The following LMLN variants were observed in gnomAD, a reference collection of about 807,000 sequenced individuals.
LMLN encodes the protein leishmanolysin like peptidase.
A neutral mutation model predicts 92.3 loss-of-function variants in LMLN; 70 were observed. The observed-to-expected ratio is 0.76, with a 90% CI of 0.63 to 0.92. The LOEUF (loss-of-function observed/expected upper bound fraction) is 0.92, where lower values mean the gene tolerates loss of function less well. Ranked by LOEUF, LMLN falls within the 40% of genes least tolerant of loss-of-function variation. The pLI is 0.00. For missense variants in LMLN, 691 were observed against 814.6 expected (o/e 0.85, Z 1.85); for synonymous variants, 308 against 296.2 (o/e 1.04, Z -0.41).
chr3:197,992,500 T>C (rs1020632048), intron 9 of LMLN, among the ~76,000 whole-genome samples: 6 of 152,220 alleles, frequency 3.9e-5, no homozygotes, highest in South Asian at 4.1e-4. Flanking sequence ...GAGAGACTGT[T>C]ATAAACAATT....
intron 10 of LMLN, among the ~76,000 whole-genome samples, chr3:197,998,837 T>C (rs1722096748): frequency 6.6e-6 from 1 of 152,238 alleles, no homozygotes; most frequent in African/African-American, 2.4e-5. Context: ...TTACACATGT[T>C]TCTGTGATCA....
At chr3:197,988,522 C>G (rs1232438478) in intron 8 of LMLN, among the ~76,000 whole-genome samples, 3 of 107,488 alleles carry the variant, frequency 2.8e-5, no homozygotes, top group African/African-American at 7.3e-5. Flanking sequence ...GGGTCTCACT[C>G]TGTTGCCCAG....
intron 8 of LMLN, among the ~76,000 whole-genome samples, chr3:197,989,240 A>G (rs1208838585): frequency 6.6e-6 from 1 of 152,094 alleles, no homozygotes; most frequent in Admixed American, 6.6e-5. Context: ...AGATTCATCA[A>G]TTTTTCATGA....
chr3:197,992,428 AATAAC>A (rs1337710157), intron 9 of LMLN, among the ~76,000 whole-genome samples: 2 of 152,226 alleles, frequency 1.3e-5, no homozygotes, highest in South Asian at 2.1e-4. Flanking sequence ...AGAAGATGCA[AATAAC>A]ATAAGAAATG....
At chr3:197,967,100 A>G (rs773633640) in intron 1 of LMLN, among the ~76,000 whole-genome samples, 1 of 152,190 alleles carries the variant, frequency 6.6e-6, no homozygotes, top group African/African-American at 2.4e-5. Flanking sequence ...ATTTACATCT[A>G]TATTAATAAG....
chr3:197,999,699 G>A (rs2109899293), intron 11 of LMLN: 1 of 183,740 alleles, frequency 5.4e-6, no homozygotes, highest in South Asian at 1.2e-4. Context: ...GGCTAACTGT[G>A]TATTTTTAAT....
chr3:197,988,458 A>G (rs750333396), intron 8 of LMLN, among the ~76,000 whole-genome samples: 38 of 124,738 alleles, frequency 3.0e-4, no homozygotes, highest in Non-Finnish European at 5.2e-4. Context: ...TATAATTGTT[A>G]TATCTTTATG....
Position 197,976,543 on chromosome 3 carries a change from G to T in LMLN, c.432-55G>T, listed in dbSNP as rs186733778. On this transcript the variant is annotated intron_variant, in intron 4 of 15. Coordinates refer to ENST00000330198, the Ensembl canonical transcript of LMLN. ...CCAGTTGGTTTCCATGTTTTTAACT[G>T]CTATAAAATATTCTCTTTTTTGTAT... 6.5e-5 allele frequency: 65 copies of T among 992,480 alleles called. No homozygotes were observed. The East Asian group carries it at 1.6e-3, about 25-fold the overall frequency. 61.5% of individuals were successfully genotyped at this position (992,480 alleles called of 1,614,324 possible). A position where few individuals can be genotyped will look rare whatever the true frequency, so the allele number is the denominator to read the frequency against.
chr3:197,991,088 TTTTTC>T (rs1473002185), intron 9 of LMLN, among the ~76,000 whole-genome samples: 1 of 151,650 alleles, frequency 6.6e-6, no homozygotes, highest in African/African-American at 2.4e-5. Flanking sequence ...GAGATTTCTT[TTTTTC>T]TTTTATTTTC....
intron 1 of LMLN, among the ~76,000 whole-genome samples, chr3:197,960,804 T>C (rs574761896): frequency 6.2e-4 from 95 of 152,206 alleles, no homozygotes; most frequent in Non-Finnish European, 1.2e-3. Context: ...GTTGACAGTT[T>C]ACGTTCCCAG....
Position 198,008,329 on chromosome 3 carries a change from TA to T in LMLN, c.1232+8993del, listed in dbSNP as rs199573510. On this transcript the variant is annotated intron_variant, in intron 11 of 15. Transcript: ENST00000330198. The stretch of plus-strand genomic sequence containing the variant: ...GTATATCCTTCCAGTAAGAGAGATT[TA>T]AAAAATAATAGTAAGAAGAAAATTT... 1.0e-3 allele frequency among the ~76,000 whole-genome samples: 157 copies of T among 152,278 alleles called. 1 individual carries two copies. In the East Asian group the frequency reaches 0.027, roughly 26 times the overall value.
At chr3:198,032,145 T>C (rs529729183) in intron 14 of LMLN, among the ~76,000 whole-genome samples, 1 of 151,900 alleles carries the variant, frequency 6.6e-6, no homozygotes, top group African/African-American at 2.4e-5. Context: ...GAAGCCAGTT[T>C]GGAAGCTCTG....
chr3:197,980,448 C>G lies in LMLN; in HGVS notation c.672C>G (p.Ser224Arg), dbSNP rs533778295. 42 of 1,613,986 alleles carry G rather than the reference C, an allele frequency of 2.6e-5. No homozygotes were observed. In the South Asian group the frequency reaches 3.6e-4, roughly 14 times the overall value. Residue 224 changes from serine to arginine, a missense_variant, in exon 6 of 16, where the codon AGC becomes AGG. Physicochemically the swap from Ser to Arg is moderately radical, Grantham distance 110. Transcript: ENST00000330198. ...GTGCTCTGGCCACCGAGAGATGCAGCCATGAAAACATCATCTCTTATGCAG... is the reference window on the plus strand; with the variant it reads ...GTGCTCTGGCCACCGAGAGATGCAGGCATGAAAACATCATCTCTTATGCAG...
At chr3:197,984,643 CT>C (rs1168892268) in intron 7 of LMLN, among the ~76,000 whole-genome samples, 2 of 151,360 alleles carry the variant, frequency 1.3e-5, no homozygotes, top group African/African-American at 4.8e-5. Context: ...GAGATAAGGT[CT>C]CGCTATGTTG....
At position 198,024,253 on chromosome 3, in the gene LMLN, T is replaced by C. The variant is rs373790923; in HGVS notation, c.1526-405T>C. On this transcript the variant is annotated intron_variant, in intron 13 of 15. Coordinates refer to ENST00000330198, the Ensembl canonical transcript of LMLN. ...TTTTTTGAGACGGAGTCTCTCTCTGTCGCCCAGGCTGGAGTGCAGTGGTAC... is the reference window on the plus strand; with the variant it reads ...TTTTTTGAGACGGAGTCTCTCTCTGCCGCCCAGGCTGGAGTGCAGTGGTAC... 3.4e-4 allele frequency among the ~76,000 whole-genome samples: 51 copies of C among 150,500 alleles called. No homozygotes were observed. In the East Asian group the frequency reaches 9.6e-3, roughly 28 times the overall value.
At chr3:198,020,610 T>C (rs569909797) in intron 12 of LMLN, among the ~76,000 whole-genome samples, 46 of 151,770 alleles carry the variant, frequency 3.0e-4, no homozygotes, top group African/African-American at 1.1e-3. Context: ...TTATTTATTT[T>C]TGGAGATGGA....
intron 8 of LMLN, among the ~76,000 whole-genome samples, chr3:197,988,481 C>CTTTTTTT (rs67505779): frequency 2.1e-4 from 9 of 42,032 alleles, no homozygotes; most frequent in Admixed American, 4.4e-4. Flanking sequence ...GGATTTACCC[C>CTTTTTTT]TTTTTTTTTT....
intron 14 of LMLN, among the ~76,000 whole-genome samples, chr3:198,029,131 T>C (rs921255351): frequency 1.3e-5 from 2 of 152,240 alleles, no homozygotes; most frequent in Non-Finnish European, 2.9e-5. Context: ...ATGATCATTT[T>C]CTACTCTCTG....
chr3:197,978,282 T>G (rs549369813), intron 5 of LMLN, among the ~76,000 whole-genome samples: 1 of 152,352 alleles, frequency 6.6e-6, no homozygotes, highest in South Asian at 2.1e-4. Context: ...TCATAAGTTA[T>G]GGAGATTTTT....
Sources: gnomAD v4.1 joint callset for allele counts (sites outside exome capture counted in the v4.1 genomes callset) on GRCh38, gnomAD v4.1.1 for gene constraint, MANE v1.5 for transcripts, NCBI Gene and HGNC (gene_info 2026-07-23, HGNC 2026-07-21) for gene names.